MED13L: variants seen among roughly 807,000 people sequenced by gnomAD.
The protein encoded by MED13L is mediator complex subunit 13L.
MED13L carries 7 observed loss-of-function variants against 220.9 expected under a neutral mutation model. The observed-to-expected ratio is 0.03, with a 90% CI of 0.02 to 0.06. The LOEUF is 0.06. MED13L is among the 10% of genes least tolerant of loss of function. MED13L has a pLI of 1.00. For synonymous variants in MED13L, 1,011 were observed against 1,015.2 expected (o/e 1.00, Z 0.08); for missense variants, 1,965 against 2,760.5 (o/e 0.71, Z 6.46).
intron 2 of MED13L, among the ~76,000 whole-genome samples, chr12:116,179,217 G>C (rs1880311179): frequency 1.3e-5 from 2 of 151,858 alleles, no homozygotes; most frequent in African/African-American, 4.8e-5. Context: ...GTGTGTGTGT[G>C]TGTGTGTGTG....
At chr12:116,038,768 AAAAG>A (rs1452040124) in intron 4 of MED13L, among the ~76,000 whole-genome samples, 43 of 142,512 alleles carry the variant, frequency 3.0e-4, no homozygotes, top group African/African-American at 1.0e-3. Context: ...AAAAAAAAAA[AAAAG>A]GAGAACCTGC....
intron 2 of MED13L, among the ~76,000 whole-genome samples, chr12:116,153,236 A>G (rs942399709): frequency 6.6e-6 from 1 of 152,194 alleles, no homozygotes; most frequent in African/African-American, 2.4e-5. Flanking sequence ...GTCACTATAC[A>G]CAGAACTTAC....
chr12:116,151,088 C>T (rs1370466677), intron 2 of MED13L, among the ~76,000 whole-genome samples: 1 of 151,774 alleles, frequency 6.6e-6, no homozygotes, highest in African/African-American at 2.4e-5. Flanking sequence ...TTCAGAGGAC[C>T]AGAAGATTAA....
At chr12:116,038,995 C>A (rs1468940660) in intron 4 of MED13L, among the ~76,000 whole-genome samples, 2 of 151,064 alleles carry the variant, frequency 1.3e-5, no homozygotes, top group Admixed American at 6.6e-5. Flanking sequence ...AGGGAAGGAC[C>A]CATGTTCGTA....
At chr12:116,276,209 C>G (rs1290999658) in intron 1 of MED13L, among the ~76,000 whole-genome samples, 1 of 151,788 alleles carries the variant, frequency 6.6e-6, no homozygotes, top group African/African-American at 2.4e-5. Flanking sequence ...GCAGGCGATT[C>G]AAATCCGAAG....
At chr12:116,032,916 G>A (rs1479957163) in intron 4 of MED13L, among the ~76,000 whole-genome samples, 3 of 152,090 alleles carry the variant, frequency 2.0e-5, no homozygotes, top group African/African-American at 7.2e-5. Flanking sequence ...AGGAAAAGAA[G>A]ACGGATGGGA....
At chr12:116,193,672 G>A (rs1881431379) in intron 2 of MED13L, among the ~76,000 whole-genome samples, 1 of 147,766 alleles carries the variant, frequency 6.8e-6, no homozygotes, top group African/African-American at 2.5e-5. Context: ...TAAAAAAAAA[G>A]GTAAGAATTT....
chr12:116,196,886 C>CA (rs1881661909), intron 2 of MED13L, among the ~76,000 whole-genome samples: 1 of 152,090 alleles, frequency 6.6e-6, no homozygotes, highest in South Asian at 2.1e-4. Flanking sequence ...TAGCATTAGA[C>CA]AGACATGTCT....
chr12:116,103,999 CTTTTTTTTTTTTTT>C (rs36066243), intron 3 of MED13L, among the ~76,000 whole-genome samples: 24 of 57,466 alleles, frequency 4.2e-4, no homozygotes, highest in African/African-American at 1.6e-3. Context: ...GGACATTGCT[CTTTTTTTTTTTTTT>C]TTTTTTTTTT....
chr12:115,964,127 C>T (rs1231201419), intron 29 of MED13L, among the ~76,000 whole-genome samples: 1 of 151,960 alleles, frequency 6.6e-6, no homozygotes, highest in Non-Finnish European at 1.5e-5. Context: ...AAAAAACCCT[C>T]CCCACAAAAA....
intron 2 of MED13L, among the ~76,000 whole-genome samples, chr12:116,158,590 C>T (rs1046297854): frequency 6.6e-6 from 1 of 152,042 alleles, no homozygotes; most frequent in Admixed American, 6.6e-5. Flanking sequence ...ATATGATGCA[C>T]TCCAGTGAGA....
At chr12:116,180,750 A>C (rs1251807096) in intron 2 of MED13L, among the ~76,000 whole-genome samples, 1 of 152,212 alleles carries the variant, frequency 6.6e-6, no homozygotes, top group African/African-American at 2.4e-5. Flanking sequence ...AAAAGGTAGA[A>C]TCTTGATTAA....
chr12:116,016,529 A>G (rs763872118), intron 7 of MED13L, among the ~76,000 whole-genome samples: 7 of 152,214 alleles, frequency 4.6e-5, no homozygotes, highest in Non-Finnish European at 7.3e-5. Flanking sequence ...TATGAAGTAG[A>G]TAACATAGAC....
chr12:116,160,278 A>G (rs996547556), intron 2 of MED13L, among the ~76,000 whole-genome samples: 1 of 152,222 alleles, frequency 6.6e-6, no homozygotes, highest in Admixed American at 6.5e-5. Flanking sequence ...ATTCTTGAGC[A>G]ATAAGGTCTT....
At chr12:116,241,324 C>CAA (rs1395698594) in intron 1 of MED13L, among the ~76,000 whole-genome samples, 6 of 137,208 alleles carry the variant, frequency 4.4e-5, no homozygotes, top group African/African-American at 1.6e-4. Flanking sequence ...AAACAAAAAA[C>CAA]AAAAAAACAA....
intron 4 of MED13L, among the ~76,000 whole-genome samples, chr12:116,059,417 CTTT>C (rs773277217): frequency 2.5e-4 from 35 of 137,712 alleles, no homozygotes; most frequent in Non-Finnish European, 3.9e-4. Context: ...TTATACCGTA[CTTT>C]TTTTTTTTTT....
chr12:116,059,801 TTTAA>T (rs535634990), intron 4 of MED13L, among the ~76,000 whole-genome samples: 40 of 152,182 alleles, frequency 2.6e-4, no homozygotes, highest in African/African-American at 8.4e-4. Flanking sequence ...AATTATTAAA[TTTAA>T]TTAATATTTG....
chr12:116,035,347 T>C (rs1160136611), intron 4 of MED13L, among the ~76,000 whole-genome samples: 1 of 147,716 alleles, frequency 6.8e-6, no homozygotes, highest in East Asian at 2.1e-4. Context: ...ACAACAATAA[T>C]AAATCCCTCA....
At chr12:116,118,347 TAACA>T (rs1350142443) in intron 2 of MED13L, among the ~76,000 whole-genome samples, 2 of 152,080 alleles carry the variant, frequency 1.3e-5, no homozygotes, top group Non-Finnish European at 2.9e-5. Context: ...AATTATAAGT[TAACA>T]AACAAAATTT....
Sources: gnomAD v4.1 joint callset for allele counts (sites outside exome capture counted in the v4.1 genomes callset) on GRCh38, gnomAD v4.1.1 for gene constraint, MANE v1.5 for transcripts, NCBI Gene and HGNC (gene_info 2026-07-23, HGNC 2026-07-21) for gene names.